Variants in DLG1 observed in about 807,000 individuals in gnomAD.
The protein encoded by DLG1 is discs large MAGUK scaffold protein 1.
DLG1 carries 42 observed loss-of-function variants against 123.4 expected under a neutral mutation model. The ratio of observed to expected loss-of-function variants is 0.34; its 90% CI spans 0.27 to 0.44. DLG1 has a LOEUF of 0.44. Ranked by LOEUF, DLG1 falls within the 20% of genes least tolerant of loss-of-function variation. The pLI, the probability that DLG1 is intolerant of heterozygous loss-of-function variation, is 1.00. For missense variants in DLG1, 942 were observed against 1,082.6 expected, an observed-to-expected ratio of 0.87 and a Z score of 1.82; for synonymous variants, 317 against 356.2, an observed-to-expected ratio of 0.89 and a Z score of 1.24.
chr3:197,047,607 AAAC>A, intron 24 of DLG1, among the ~76,000 whole-genome samples: 2 of 150,842 alleles, frequency 1.3e-5, no homozygotes, highest in East Asian at 1.9e-4. Context: ...TTTTTTTTTT[AAAC>A]AAATAGTATT....
At chr3:197,285,028 TAA>T (rs35378563) in intron 3 of DLG1, among the ~76,000 whole-genome samples, 37 of 132,354 alleles carry the variant, frequency 2.8e-4, no homozygotes, top group South Asian at 7.1e-4. Flanking sequence ...TCTTATCTAT[TAA>T]AAAAAAAAAA....
At chr3:197,134,913 C>A (rs559351091) in intron 10 of DLG1, among the ~76,000 whole-genome samples, 1 of 152,324 alleles carries the variant, frequency 6.6e-6, no homozygotes, top group African/African-American at 2.4e-5. Flanking sequence ...AGACAAGAGA[C>A]AGGAGAATAA....
At chr3:197,060,213 T>C (rs1016307906) in intron 22 of DLG1, among the ~76,000 whole-genome samples, 1 of 152,220 alleles carries the variant, frequency 6.6e-6, no homozygotes, top group African/African-American at 2.4e-5. Context: ...AAATGTTATA[T>C]TTAAAAAGGA....
chr3:197,078,190 T>TGTAG (rs1422388519), intron 17 of DLG1, among the ~76,000 whole-genome samples: 1 of 151,036 alleles, frequency 6.6e-6, no homozygotes, highest in Admixed American at 6.6e-5. Flanking sequence ...GGTGTGCGAC[T>TGTAG]GTAGTCTCAG....
intron 16 of DLG1, among the ~76,000 whole-genome samples, chr3:197,084,576 C>G (rs948496758): frequency 6.6e-6 from 1 of 151,900 alleles, no homozygotes; most frequent in Non-Finnish European, 1.5e-5. Context: ...TCCTAAAGTG[C>G]TGGGATTACA....
chr3:197,254,906 A>G (rs1415909875), intron 4 of DLG1, among the ~76,000 whole-genome samples: 6 of 152,044 alleles, frequency 3.9e-5, no homozygotes, highest in Admixed American at 3.9e-4. Flanking sequence ...AGAAAAAAAA[A>G]TTAGCCGGGC....
intron 1 of DLG1, chr3:197,298,294 G>C (rs969961314): frequency 1.3e-5 from 5 of 385,234 alleles, no homozygotes; most frequent in African/African-American, 6.2e-5. Context: ...GGGGTACCCG[G>C]GGAGCATCCT....
chr3:197,090,309 A>G (rs1219464404), intron 15 of DLG1, among the ~76,000 whole-genome samples: 2 of 8,876 alleles, frequency 2.3e-4, no homozygotes, highest in African/African-American at 1.2e-3. Flanking sequence ...AACGAAATGA[A>G]AAAAAAAAAA....
intron 4 of DLG1, among the ~76,000 whole-genome samples, chr3:197,220,137 T>C (rs973637813): frequency 7.2e-5 from 11 of 152,330 alleles, no homozygotes; most frequent in Non-Finnish European, 1.3e-4. Context: ...TTCCTTTGTT[T>C]ACTGCTATAT....
At chr3:197,064,649 T>C (rs1265876276) in intron 22 of DLG1, among the ~76,000 whole-genome samples, 1 of 152,166 alleles carries the variant, frequency 6.6e-6, no homozygotes, top group Non-Finnish European at 1.5e-5. Context: ...TTATGAGTTC[T>C]TTATATATTG....
intron 14 of DLG1, among the ~76,000 whole-genome samples, chr3:197,095,655 C>A (rs2149224673): frequency 6.6e-6 from 1 of 152,276 alleles, no homozygotes; most frequent in Middle Eastern, 3.4e-3. Flanking sequence ...AAAGTTGTGT[C>A]TGCCAGGTTT....
At chr3:197,191,328 T>C (rs1039258037) in intron 5 of DLG1, among the ~76,000 whole-genome samples, 1 of 152,192 alleles carries the variant, frequency 6.6e-6, no homozygotes, top group African/African-American at 2.4e-5. Context: ...ATCTTGTGTC[T>C]GGAACATTGT....
chr3:197,057,751 T>A (rs1426803292), intron 23 of DLG1, among the ~76,000 whole-genome samples: 1 of 152,220 alleles, frequency 6.6e-6, no homozygotes, highest in Non-Finnish European at 1.5e-5. Context: ...CTGCCTCTGT[T>A]GATCTCTTTG....
intron 13 of DLG1, among the ~76,000 whole-genome samples, chr3:197,111,723 T>TA (rs1770128637): frequency 2.6e-5 from 4 of 152,240 alleles, no homozygotes; most frequent in African/African-American, 9.6e-5. Flanking sequence ...CTTTCTGACT[T>TA]ACAGCACCAC....
At chr3:197,222,374 A>G (rs971552777) in intron 4 of DLG1, among the ~76,000 whole-genome samples, 5 of 152,218 alleles carry the variant, frequency 3.3e-5, no homozygotes, top group African/African-American at 1.2e-4. Flanking sequence ...TAGCAGCTGC[A>G]TATTTCCAAG....
intron 4 of DLG1, among the ~76,000 whole-genome samples, chr3:197,250,335 C>T (rs1249883852): frequency 5.3e-5 from 8 of 151,974 alleles, no homozygotes; most frequent in African/African-American, 1.4e-4. Flanking sequence ...TTTGGGAGGC[C>T]GAGGCAGGTG....
chr3:197,088,892 C>T (rs1756019439), intron 15 of DLG1, among the ~76,000 whole-genome samples: 1 of 152,208 alleles, frequency 6.6e-6, no homozygotes, highest in South Asian at 2.1e-4. Flanking sequence ...TGAGTCATGA[C>T]AGCTATTGCA....
chr3:197,166,040 G>A lies in DLG1; in HGVS notation c.484-16244C>T, dbSNP rs1290361204. On this transcript the variant is annotated intron_variant, in intron 5 of 24. Coordinates refer to ENST00000667157, the MANE Select transcript of DLG1 (RefSeq NM_001366207.1). ...GGGAGTGGAAGGGAGGCAATAGCCT[G>A]GCAAAGGGTGCTGGAGCCTCAGCAT... 2.0e-5 allele frequency among the ~76,000 whole-genome samples: 3 copies of A among 152,324 alleles called. No individual in the cohort carries two copies. In the East Asian group the frequency reaches 5.8e-4, roughly 29 times the overall value.
At chr3:197,147,624 G>A (rs956054233) in intron 6 of DLG1, among the ~76,000 whole-genome samples, 1 of 152,112 alleles carries the variant, frequency 6.6e-6, no homozygotes, top group Non-Finnish European at 1.5e-5. Flanking sequence ...TAAGCTATGA[G>A]GATGCAAAGG....
Sources: allele counts gnomAD v4.1 joint callset (sites outside exome capture counted in the v4.1 genomes callset), GRCh38; gene constraint gnomAD v4.1.1; transcripts MANE v1.5; gene names NCBI Gene and HGNC (gene_info 2026-07-23, HGNC 2026-07-21).